The following SPOCK1 variants were observed in gnomAD, a reference collection of about 807,000 sequenced individuals.
SPOCK1 encodes SPARC (osteonectin), cwcv and kazal like domains proteoglycan 1.
A neutral mutation model predicts 55.3 loss-of-function variants in SPOCK1; 23 were observed. The observed-to-expected ratio is 0.42, with a 90% confidence interval of 0.30 to 0.59. The LOEUF is 0.59. Among genes scored for constraint, SPOCK1 ranks in the 20% least tolerant of loss-of-function variants. The pLI is 0.22. For synonymous variants in SPOCK1, 226 were observed against 221.0 expected, an observed-to-expected ratio of 1.02 and a Z score of -0.20; for missense variants, 499 against 552.5, an observed-to-expected ratio of 0.90 and a Z score of 0.97.
intron 2 of SPOCK1, among the ~76,000 whole-genome samples, chr5:137,447,612 C>A (rs1338572432): frequency 2.7e-5 from 1 of 36,818 alleles, no homozygotes; most frequent in African/African-American, 1.2e-4. Flanking sequence ...CATTCCCCCC[C>A]CCAATATATG....
intron 6 of SPOCK1, among the ~76,000 whole-genome samples, chr5:137,028,031 A>T (rs1363152304): frequency 6.6e-6 from 1 of 152,092 alleles, no homozygotes; most frequent in African/African-American, 2.4e-5. Context: ...TCCCCCCTCC[A>T]AACTGGTATA....
intron 2 of SPOCK1, among the ~76,000 whole-genome samples, chr5:137,319,565 ACTATC>A (rs1757942218): frequency 6.6e-6 from 1 of 152,200 alleles, no homozygotes; most frequent in Admixed American, 6.5e-5. Flanking sequence ...ATGCCATAAA[ACTATC>A]CTTCTTATTT....
At chr5:137,290,084 C>A (rs926748147) in intron 2 of SPOCK1, among the ~76,000 whole-genome samples, 2 of 152,146 alleles carry the variant, frequency 1.3e-5, no homozygotes, top group African/African-American at 2.4e-5. Context: ...CACAGCCCAG[C>A]AACTCCAACC....
chr5:137,208,578 C>T (rs948712567), intron 3 of SPOCK1, among the ~76,000 whole-genome samples: 1 of 152,140 alleles, frequency 6.6e-6, no homozygotes, highest in Admixed American at 6.5e-5. Flanking sequence ...CAGCTGGAGG[C>T]CACTATCCTA....
chr5:137,326,489 G>T (rs961290940), intron 2 of SPOCK1, among the ~76,000 whole-genome samples: 3 of 152,176 alleles, frequency 2.0e-5, no homozygotes, highest in African/African-American at 7.2e-5. Context: ...GAGAGGAGCT[G>T]GTTGCCCTGG....
Position 136,977,741 on chromosome 5 carries a change from G to GT in SPOCK1, c.*912dup, listed in dbSNP as rs900310859. On this transcript the variant is annotated 3_prime_UTR_variant, in exon 11 of 11. Transcript: ENST00000394945. ...AGAAAAGTGATTTAGGCAGACGGAG[G>GT]TTTTTTCTCAATCAGAGGCTTTCAG... The GT allele has an allele frequency of 5.8e-5, 23 of 398,796 alleles. No individual in the cohort carries two copies. The highest frequency in any genetic ancestry group is 8.8e-5 in the Admixed American group (2 of 22,702). The allele number at this position is 398,796 out of a possible 1,614,324, so 24.7% of individuals were successfully genotyped here.
At chr5:137,050,608 G>A (rs1054988270) in intron 6 of SPOCK1, among the ~76,000 whole-genome samples, 27 of 152,014 alleles carry the variant, frequency 1.8e-4, no homozygotes, top group Admixed American at 5.2e-4. Context: ...CTTCTGCGTC[G>A]CTCACGCTGG....
intron 3 of SPOCK1, among the ~76,000 whole-genome samples, chr5:137,252,388 G>A (rs547395542): frequency 2.0e-5 from 3 of 152,312 alleles, no homozygotes; most frequent in African/African-American, 4.8e-5. Flanking sequence ...ACAGAGCAAC[G>A]GAGAAAAACG....
intron 2 of SPOCK1, among the ~76,000 whole-genome samples, chr5:137,471,399 T>A (rs558219264): frequency 2.0e-5 from 3 of 152,176 alleles, no homozygotes; most frequent in Non-Finnish European, 4.4e-5. Context: ...AGCTTCCTTA[T>A]CTGTAAAAAT....
At chr5:137,234,642 T>C (rs1416128852) in intron 3 of SPOCK1, among the ~76,000 whole-genome samples, 2 of 152,192 alleles carry the variant, frequency 1.3e-5, no homozygotes, top group African/African-American at 4.8e-5. Context: ...AAATAATATA[T>C]GTAGACGCTG....
intron 3 of SPOCK1, among the ~76,000 whole-genome samples, chr5:137,180,213 C>G (rs866536927): frequency 6.6e-6 from 1 of 152,170 alleles, no homozygotes; most frequent in Admixed American, 6.5e-5. Flanking sequence ...ACCAGGCACA[C>G]AGCACATGCA....
intron 2 of SPOCK1, among the ~76,000 whole-genome samples, chr5:137,302,386 A>C (rs976848000): frequency 2.7e-5 from 4 of 146,350 alleles, no homozygotes; most frequent in South Asian, 2.2e-4. Context: ...TGGCCAACAC[A>C]GTGAAACCCC....
intron 3 of SPOCK1, among the ~76,000 whole-genome samples, chr5:137,147,780 G>A (rs1231958377): frequency 1.3e-5 from 2 of 152,200 alleles, no homozygotes; most frequent in African/African-American, 4.8e-5. Flanking sequence ...AACACCAACT[G>A]TAGGGAAATG....
chr5:137,219,175 C>CTG (rs1755798330), intron 3 of SPOCK1, among the ~76,000 whole-genome samples: 1 of 152,198 alleles, frequency 6.6e-6, no homozygotes, highest in African/African-American at 2.4e-5. Flanking sequence ...CACAAATACA[C>CTG]TGTGTTCTTT....
intron 3 of SPOCK1, among the ~76,000 whole-genome samples, chr5:137,217,437 T>C (rs1005529436): frequency 1.3e-5 from 2 of 151,992 alleles, no homozygotes; most frequent in African/African-American, 4.8e-5. Context: ...GACTAGAGCC[T>C]CCCCCACCAC....
intron 9 of SPOCK1, among the ~76,000 whole-genome samples, chr5:136,984,835 A>C (rs1311912590): frequency 6.6e-6 from 1 of 152,204 alleles, no homozygotes; most frequent in Non-Finnish European, 1.5e-5. Flanking sequence ...CCATTCAATG[A>C]TCTTACTTAG....
chr5:137,128,390 C>T (rs988847368), intron 4 of SPOCK1, among the ~76,000 whole-genome samples: 6 of 152,198 alleles, frequency 3.9e-5, no homozygotes, highest in Non-Finnish European at 7.3e-5. Flanking sequence ...CACATATGAT[C>T]CTGAAAACCT....
At chr5:137,362,982 T>A (rs369540578) in intron 2 of SPOCK1, among the ~76,000 whole-genome samples, 20 of 152,338 alleles carry the variant, frequency 1.3e-4, no homozygotes, top group African/African-American at 4.6e-4. Context: ...AACCCTAGGT[T>A]AGTTTGACTC....
chr5:137,166,373 T>A lies in SPOCK1; in HGVS notation c.233-25679A>T, dbSNP rs1413960227. Among the ~76,000 whole-genome samples, 10 of 151,562 alleles carry A rather than the reference T, an allele frequency of 6.6e-5. No individual in the cohort carries two copies. In the South Asian group the frequency reaches 1.9e-3, roughly 28 times the overall value. On this transcript the variant is annotated intron_variant, in intron 3 of 10. Coordinates refer to ENST00000394945, the MANE Select transcript of SPOCK1 (RefSeq NM_004598.4). The stretch of plus-strand genomic sequence containing the variant: ...AAGACATTCCCAGACAGACAAAAGC[T>A]GAGGGATTTCATCAACACCAGACCT...
Sources: allele counts gnomAD v4.1 joint callset (sites outside exome capture counted in the v4.1 genomes callset), GRCh38; gene constraint gnomAD v4.1.1; transcripts MANE v1.5; gene names NCBI Gene and HGNC (gene_info 2026-07-23, HGNC 2026-07-21).